RNF38: variants seen among roughly 807,000 people sequenced by gnomAD.
RNF38 encodes ring finger protein 38.
In RNF38, 15 loss-of-function variants were observed where a neutral mutation model predicts 67.2. That is an observed-to-expected ratio of 0.22 (90% CI 0.15 to 0.34). RNF38 has a LOEUF of 0.34. Ranked by LOEUF, RNF38 falls within the 10% of genes least tolerant of loss-of-function variation. The pLI is 1.00. For synonymous variants in RNF38, 220 were observed against 218.8 expected (o/e 1.01, Z -0.05); for missense variants, 524 against 639.9 (o/e 0.82, Z 1.95).
intron 2 of RNF38, among the ~76,000 whole-genome samples, chr9:36,383,124 T>C (rs1389286589): frequency 6.6e-6 from 1 of 152,206 alleles, no homozygotes; most frequent in Non-Finnish European, 1.5e-5. Context: ...GTTTACAAAA[T>C]GACTTCTAAC....
At chr9:36,454,073 A>AT (rs1839525770) in intron 1 of RNF38, among the ~76,000 whole-genome samples, 1 of 152,144 alleles carries the variant, frequency 6.6e-6, no homozygotes, top group Non-Finnish European at 1.5e-5. Flanking sequence ...AGATTTTTCC[A>AT]TAACAAATAT....
At chr9:36,376,716 A>T (rs1835812937) in intron 2 of RNF38, among the ~76,000 whole-genome samples, 1 of 152,126 alleles carries the variant, frequency 6.6e-6, no homozygotes, top group African/African-American at 2.4e-5. Flanking sequence ...ACTGGAGGTC[A>T]GGAGTTCGAG....
intron 1 of RNF38, among the ~76,000 whole-genome samples, chr9:36,444,919 C>CTTTT (rs34369319): frequency 1.5e-5 from 2 of 133,424 alleles, no homozygotes; most frequent in African/African-American, 2.8e-5. Context: ...GAGCCATTCT[C>CTTTT]TTTTTTTTTT....
chr9:36,476,188 G>A (rs1840117241), intron 1 of RNF38, among the ~76,000 whole-genome samples: 2 of 152,102 alleles, frequency 1.3e-5, no homozygotes, highest in Admixed American at 6.6e-5. Context: ...GCAGTGGCGT[G>A]ATCTCGACTC....
chr9:36,361,138 C>T lies in RNF38; in HGVS notation c.571-3196G>A, dbSNP rs181643879. Among the ~76,000 whole-genome samples, 963 of 151,974 alleles carry T rather than the reference C, an allele frequency of 6.3e-3. 6 individuals are homozygous for T. The highest frequency in any genetic ancestry group is 0.01 in the Non-Finnish European group (703 of 67,966). ...GGCCAAGTACCATATTTTGCTGAAT[C>T]CAAGACATCAGATTGTATAGTCATT... On this transcript the variant is annotated intron_variant, in intron 4 of 11. Coordinates refer to ENST00000259605, the MANE Select transcript of RNF38 (RefSeq NM_022781.5).
intron 4 of RNF38, 143 bp from the exon 5 acceptor site, chr9:36,358,085 T>C (rs1834260584): frequency 3.1e-6 from 2 of 647,090 alleles, no homozygotes; most frequent in Non-Finnish European, 5.3e-6. Flanking sequence ...TCGACCAGAA[T>C]ATTCATTGTC....
At chr9:36,455,683 G>A (rs1289463222) in intron 1 of RNF38, among the ~76,000 whole-genome samples, 3 of 151,430 alleles carry the variant, frequency 2.0e-5, no homozygotes, top group African/African-American at 4.9e-5. Context: ...CAGGAGAATC[G>A]CTTGAATCTG....
chr9:36,456,878 C>T (rs1839607841), intron 1 of RNF38, among the ~76,000 whole-genome samples: 1 of 152,088 alleles, frequency 6.6e-6, no homozygotes. Context: ...TTTAATAATA[C>T]AAGTGTAGGA....
chr9:36,341,844 ATATATATATATATATATATAT>A (rs1832868441), intron 11 of RNF38, among the ~76,000 whole-genome samples: 1 of 1,926 alleles, frequency 5.2e-4, no homozygotes, highest in African/African-American at 1.4e-3. Context: ...ATATATATAT[ATATATATATATATATATATAT>A]AAAGAAGCCC....
intron 1 of RNF38, among the ~76,000 whole-genome samples, chr9:36,430,636 AT>A (rs1838908672): frequency 6.6e-6 from 1 of 152,120 alleles, no homozygotes; most frequent in Non-Finnish European, 1.5e-5. Flanking sequence ...GAAATGTCTG[AT>A]TTGATTGATT....
chr9:36,400,521 C>A, upstream of RNF38: 3 of 993,314 alleles, frequency 3.0e-6, no homozygotes, highest in Non-Finnish European at 3.6e-6. Context: ...GTCCCGCCCT[C>A]GCGCTGCAGC....
At position 36,356,443 on chromosome 9, in the gene RNF38, G is replaced by C; in HGVS notation, c.769C>G (p.Pro257Ala). The change falls in exon 6 of 12, where the codon CCA (proline) becomes GCA (alanine). Residue 257 changes from proline (P) to alanine (A), a missense_variant. This residue lies in a region of RNF38 where 461 missense variants were observed against 517.4 expected (regional missense o/e 0.89). Transcript: ENST00000259605. ...GGTGGGAATGCAGCATATGGTACTG[G>C]TAAGTGCTGAACTGAACATGCCTGA... Reference protein sequence around the residue: ...MLQACSVQHLPVPYAAFPPLI... With the variant: ...MLQACSVQHLAVPYAAFPPLI... 5 of 1,612,714 alleles carry C rather than the reference G, an allele frequency of 3.1e-6. No homozygotes were observed. In the South Asian group the frequency reaches 5.5e-5, roughly 18 times the overall value.
chr9:36,420,099 G>A (rs1046054888), intron 2 of RNF38, among the ~76,000 whole-genome samples: 3 of 152,212 alleles, frequency 2.0e-5, no homozygotes, highest in African/African-American at 2.4e-5. Context: ...ACAGACTTGA[G>A]CAAGGCAGCT....
At position 36,390,689 on chromosome 9, in the gene RNF38, T is replaced by C. The variant is rs912284875; in HGVS notation, c.13-73A>G. 1.7e-5 allele frequency: 25 copies of C among 1,435,306 alleles called. 1 individual carries two copies. The highest frequency in any genetic ancestry group is 3.6e-4 in the Middle Eastern group (2 of 5,524). 88.9% of individuals were successfully genotyped at this position (1,435,306 alleles called of 1,614,324 possible). A position where few individuals can be genotyped will look rare whatever the true frequency, so the allele number is the denominator to read the frequency against. ...TGTGGAGAATCACGCCTATGAAGGA[T>C]AGTCTGGATTTTCTAGGTATTTGAT... On this transcript the variant is annotated intron_variant, in intron 1 of 11. Coordinates refer to ENST00000259605, the MANE Select transcript of RNF38 (RefSeq NM_022781.5).
intron 4 of RNF38, among the ~76,000 whole-genome samples, chr9:36,365,775 C>T (rs1468433116): frequency 6.8e-6 from 1 of 146,524 alleles, no homozygotes; most frequent in African/African-American, 2.5e-5. Context: ...AAGCAATTCT[C>T]CTGCCTCAGC....
chr9:36,434,691 C>A (rs1191497186), intron 1 of RNF38, among the ~76,000 whole-genome samples: 1 of 152,156 alleles, frequency 6.6e-6, no homozygotes, highest in East Asian at 1.9e-4. Context: ...GCCCAGCCTA[C>A]ATGTAACTTT....
upstream of RNF38, chr9:36,400,974 CGGCGCACTGGCCTCCGCTGCGCGCGCA>C: frequency 2.0e-6 from 2 of 984,676 alleles, no homozygotes; most frequent in Non-Finnish European, 2.4e-6. Context: ...CCCTATGCGC[CGGCGCACTGGCCTCCGCTGCGCGCGCA>C]GGCGACTCCC....
chr9:36,374,203 C>T (rs753868296), intron 3 of RNF38, among the ~76,000 whole-genome samples: 1 of 152,306 alleles, frequency 6.6e-6, no homozygotes, highest in African/African-American at 2.4e-5. Context: ...GTCTTAATGT[C>T]TCAACAGAAT....
At chr9:36,400,810 C>T, upstream of RNF38, 2 of 985,480 alleles carry the variant, frequency 2.0e-6, no homozygotes, top group Non-Finnish European at 2.4e-6. Flanking sequence ...GCCTCGGAGG[C>T]TCCATCCTCT....
Sources: allele counts gnomAD v4.1 joint callset (sites outside exome capture counted in the v4.1 genomes callset), GRCh38; gene constraint gnomAD v4.1.1; regional missense constraint gnomAD v4.1.1; transcripts MANE v1.5; gene names NCBI Gene and HGNC (gene_info 2026-07-23, HGNC 2026-07-21).